Variants in HHAT observed in about 807,000 individuals in gnomAD.
HHAT encodes the protein hedgehog acyltransferase, also known as protein-cysteine N-palmitoyltransferase HHAT.
Under a neutral mutation model 70.8 loss-of-function variants are expected in HHAT, and 47 were observed. The observed-to-expected ratio is 0.66, with a 90% CI of 0.53 to 0.85. HHAT has a LOEUF of 0.85. Ranked by LOEUF, HHAT falls within the 40% of genes least tolerant of loss-of-function variation. HHAT has a pLI of 0.00. For missense variants in HHAT, 609 were observed against 604.8 expected, an observed-to-expected ratio of 1.01 and a Z score of -0.07; for synonymous variants, 228 against 247.6, an observed-to-expected ratio of 0.92 and a Z score of 0.74.
rs116548367 is a variant in HHAT, at chr1:210,492,259, C to T, written c.1008-20894C>T. Among the ~76,000 whole-genome samples, 1,104 of 152,260 alleles carry T rather than the reference C, an allele frequency of 7.3e-3. 14 individuals are homozygous for T. The highest frequency in any genetic ancestry group is 0.025 in the African/African-American group (1,050 of 41,548). On this transcript the variant is annotated intron_variant, in intron 8 of 11. Coordinates refer to ENST00000261458, the MANE Select transcript of HHAT (RefSeq NM_018194.6). ...TCTATTTTAGAGGCTCCTGTAGCTC[C>T]AGTTCATCTTTCTCTCCTACCATTT...
intron 1 of HHAT, among the ~76,000 whole-genome samples, chr1:210,341,632 G>A (rs1022743294): frequency 1.3e-5 from 2 of 152,188 alleles, no homozygotes; most frequent in Non-Finnish European, 2.9e-5. Flanking sequence ...CCTCCTGAGA[G>A]GATCCGAGTA....
At chr1:210,410,645 G>T (rs2092515538) in intron 6 of HHAT, among the ~76,000 whole-genome samples, 1 of 150,164 alleles carries the variant, frequency 6.7e-6, no homozygotes, top group South Asian at 2.1e-4. Flanking sequence ...TCCTGCCTCA[G>T]CCTCCCGAGT....
intron 11 of HHAT, among the ~76,000 whole-genome samples, chr1:210,636,060 A>G (rs546826625): frequency 2.6e-5 from 4 of 152,320 alleles, no homozygotes; most frequent in African/African-American, 4.8e-5. Context: ...AATATTTTAA[A>G]TCTGTATGAA....
intron 9 of HHAT, among the ~76,000 whole-genome samples, chr1:210,578,263 G>T (rs2148758690): frequency 6.6e-6 from 1 of 152,164 alleles, no homozygotes; most frequent in East Asian, 1.9e-4. Context: ...CAGTCATCAT[G>T]GAAATGAAAA....
At chr1:210,517,942 C>T (rs961092441) in intron 9 of HHAT, among the ~76,000 whole-genome samples, 1 of 152,080 alleles carries the variant, frequency 6.6e-6, no homozygotes, top group Non-Finnish European at 1.5e-5. Flanking sequence ...ACATCATGAG[C>T]AGGATAACAT....
intron 8 of HHAT, among the ~76,000 whole-genome samples, chr1:210,475,777 G>C (rs1483047171): frequency 6.6e-6 from 1 of 152,106 alleles, no homozygotes; most frequent in Non-Finnish European, 1.5e-5. Context: ...AATAAGTTTT[G>C]ACTCATTAGA....
At position 210,465,923 on chromosome 1, in the gene HHAT, T is replaced by C. The variant is rs1379522296; in HGVS notation, c.1007+1268T>C. Among the ~76,000 whole-genome samples the C allele has an allele frequency of 2.9e-5, 4 of 135,672 alleles. No homozygotes were observed. The East Asian group carries it at 8.9e-4, about 30-fold the overall frequency. 89.0% of individuals were successfully genotyped at this position (135,672 alleles called of 152,430 possible). On this transcript the variant is annotated intron_variant, in intron 8 of 11. Coordinates refer to ENST00000261458, the MANE Select transcript of HHAT (RefSeq NM_018194.6). Reference sequence around the variant, plus strand: ...ATTGCAAGGAATTGCAAGGAATGAATTGCAAGGAATTGCAAGGAATGAATT... The same window carrying C: ...ATTGCAAGGAATTGCAAGGAATGAACTGCAAGGAATTGCAAGGAATGAATT...
Position 210,328,907 on chromosome 1 carries a change from CG to C in HHAT, c.-239del. 1.1e-5 allele frequency: 9 copies of C among 833,782 alleles called. No individual in the cohort carries two copies. The highest frequency in any genetic ancestry group is 1.4e-5 in the Non-Finnish European group (9 of 623,814). The allele number at this position is 833,782 out of a possible 1,614,324, so 51.6% of individuals were successfully genotyped here. On this transcript the variant is annotated 5_prime_UTR_variant, in exon 1 of 12. Transcript: ENST00000261458. ...TCCGGGCGCGGAGGGCGCGCGGGCA[CG>C]GCGGCAGGGGCGTGCTCGGAGGACG...
intron 2 of HHAT, among the ~76,000 whole-genome samples, chr1:210,355,478 T>G (rs1276108468): frequency 6.6e-6 from 1 of 152,256 alleles, no homozygotes; most frequent in Non-Finnish European, 1.5e-5. Flanking sequence ...TACCTATTCC[T>G]TTTTTGACCT....
intron 3 of HHAT, among the ~76,000 whole-genome samples, chr1:210,373,857 C>G (rs565865603): frequency 6.6e-6 from 1 of 152,318 alleles, no homozygotes; most frequent in Non-Finnish European, 1.5e-5. Context: ...ATTCTCCCAA[C>G]TATGTGGCTG....
chr1:210,345,173 G>A (rs1301893180), intron 1 of HHAT, among the ~76,000 whole-genome samples: 3 of 152,108 alleles, frequency 2.0e-5, no homozygotes, highest in Non-Finnish European at 4.4e-5. Flanking sequence ...GAGTATGAGT[G>A]GGTTCTGCGC....
At chr1:210,577,637 ATTTTTTTT>A (rs1192626068) in intron 9 of HHAT, among the ~76,000 whole-genome samples, 7 of 60,206 alleles carry the variant, frequency 1.2e-4, no homozygotes, top group African/African-American at 3.4e-4. Context: ...GGCCTGTAGG[ATTTTTTTT>A]TTTTTTTTTT....
chr1:210,632,225 T>G (rs1671005277), intron 11 of HHAT, among the ~76,000 whole-genome samples: 1 of 152,208 alleles, frequency 6.6e-6, no homozygotes, highest in South Asian at 2.1e-4. Flanking sequence ...GTGACCTTAT[T>G]TGGAAATAGG....
chr1:210,514,426 A>C (rs2095017776), intron 9 of HHAT, among the ~76,000 whole-genome samples: 1 of 152,206 alleles, frequency 6.6e-6, no homozygotes, highest in Non-Finnish European at 1.5e-5. Flanking sequence ...TCCATATTTG[A>C]ACTGATCAGA....
At chr1:210,449,370 A>C (rs1233594207) in intron 7 of HHAT, among the ~76,000 whole-genome samples, 4 of 152,178 alleles carry the variant, frequency 2.6e-5, no homozygotes, top group African/African-American at 9.6e-5. Flanking sequence ...TCCTCTATAA[A>C]GTCGTGCTTC....
At chr1:210,392,168 C>T (rs577334126) in intron 4 of HHAT, among the ~76,000 whole-genome samples, 5 of 152,182 alleles carry the variant, frequency 3.3e-5, no homozygotes, top group East Asian at 1.9e-4. Context: ...TGCACCTGGC[C>T]GGATATTTCA....
chr1:210,560,496 G>T (rs2095611424), intron 9 of HHAT, among the ~76,000 whole-genome samples: 1 of 151,872 alleles, frequency 6.6e-6, no homozygotes, highest in South Asian at 2.1e-4. Context: ...CCTTGTAAAG[G>T]GATGACAGCT....
At chr1:210,643,059 G>A (rs1476299835) in intron 11 of HHAT, among the ~76,000 whole-genome samples, 1 of 152,006 alleles carries the variant, frequency 6.6e-6, no homozygotes. Context: ...TTTTTGGTCT[G>A]TTTGGATATT....
chr1:210,349,113 T>C lies in HHAT; in HGVS notation c.91+47T>C, dbSNP rs116639223. The C allele has an allele frequency of 2.3e-3, 3,682 of 1,587,966 alleles. 69 individuals are homozygous for C. The African/African-American group carries it at 0.041, about 18-fold the overall frequency. On this transcript the variant is annotated intron_variant, in intron 2 of 11. Coordinates refer to ENST00000261458, the MANE Select transcript of HHAT (RefSeq NM_018194.6). ...ACCTCCTATCAAACAAGGAAACTCC[T>C]GTCAAAAAAAGGAGCAGAGGTGGAA...
Sources: allele counts gnomAD v4.1 joint callset (sites outside exome capture counted in the v4.1 genomes callset), GRCh38; gene constraint gnomAD v4.1.1; transcripts MANE v1.5; gene names NCBI Gene and HGNC (gene_info 2026-07-23, HGNC 2026-07-21).